Variants in KSR2 observed in about 807,000 individuals in gnomAD.
KSR2 encodes the protein kinase suppressor of ras 2.
A neutral mutation model predicts 107.8 loss-of-function variants in KSR2; 25 were observed. The ratio of observed to expected loss-of-function variants is 0.23; its 90% confidence interval spans 0.17 to 0.32. The LOEUF is 0.32. Ranked by LOEUF, KSR2 falls within the 10% of genes least tolerant of loss-of-function variation. The pLI, the probability that KSR2 is intolerant of heterozygous loss-of-function variation, is 1.00. For synonymous variants in KSR2, 480 were observed against 507.0 expected, an observed-to-expected ratio of 0.95 and a Z score of 0.71; for missense variants, 887 against 1,268.9, an observed-to-expected ratio of 0.70 and a Z score of 4.57.
chr12:117,903,360 T>G (rs1894746005), intron 1 of KSR2, among the ~76,000 whole-genome samples: 1 of 152,220 alleles, frequency 6.6e-6, no homozygotes, highest in African/African-American at 2.4e-5. Context: ...GTATGGCCAT[T>G]GAGTCACCCG....
chr12:117,858,340 T>G (rs1274619337), intron 2 of KSR2, among the ~76,000 whole-genome samples: 1 of 152,168 alleles, frequency 6.6e-6, no homozygotes, highest in Non-Finnish European at 1.5e-5. Context: ...TGTCTGTCCT[T>G]ATACAGGACC....
rs574581278 is a variant in KSR2 at position 117,514,870 on chromosome 12, CTT to C, written c.2219+9980_2219+9981del. Among the ~76,000 whole-genome samples, 1,389 of 152,154 alleles carry C rather than the reference CTT, an allele frequency of 9.1e-3. 10 individuals carry two copies. The highest frequency in any genetic ancestry group is 0.02 in the Middle Eastern group (6 of 294). ...GTCAGATCTCTCTAGTTTCATATCT[CTT>C]GCTACTCCCCGTATATATCCTCTAC... On this transcript the variant is annotated intron_variant, in intron 14 of 19. Coordinates refer to ENST00000339824, the MANE Select transcript of KSR2 (RefSeq NM_173598.6).
intron 4 of KSR2, among the ~76,000 whole-genome samples, chr12:117,731,277 G>T (rs1352552948): frequency 4.8e-5 from 7 of 146,412 alleles, no homozygotes; most frequent in Admixed American, 2.0e-4. Flanking sequence ...CCCAGCAGCC[G>T]CCCCGTCTGG....
At chr12:117,924,115 T>C (rs1895429226) in intron 1 of KSR2, among the ~76,000 whole-genome samples, 1 of 151,442 alleles carries the variant, frequency 6.6e-6, no homozygotes, top group Non-Finnish European at 1.5e-5. Flanking sequence ...CGACCACAGG[T>C]GATCCTCCCA....
At chr12:117,707,715 A>G (rs1886582310) in intron 4 of KSR2, among the ~76,000 whole-genome samples, 2 of 152,222 alleles carry the variant, frequency 1.3e-5, no homozygotes, top group African/African-American at 4.8e-5. Flanking sequence ...AAGACAAACA[A>G]GAGAAAATGA....
intron 7 of KSR2, 108 bp downstream of exon 7, chr12:117,579,011 C>G (rs528796182): frequency 1.1e-5 from 9 of 796,584 alleles, no homozygotes; most frequent in Non-Finnish European, 1.5e-5. Flanking sequence ...AAGCAAACAA[C>G]TCTCCCAAGA....
At chr12:117,641,784 T>G (rs887295934) in intron 5 of KSR2, among the ~76,000 whole-genome samples, 2 of 152,072 alleles carry the variant, frequency 1.3e-5, no homozygotes, top group African/African-American at 4.8e-5. Context: ...AAGAGAAGAA[T>G]AGAAACAGCA....
intron 14 of KSR2, among the ~76,000 whole-genome samples, chr12:117,506,587 C>T (rs1001383552): frequency 6.6e-6 from 1 of 152,188 alleles, no homozygotes; most frequent in Admixed American, 6.5e-5. Context: ...CCCAGCATAG[C>T]TGCCAAGACC....
At chr12:117,524,770 C>A in intron 14 of KSR2, 82 bp downstream of exon 14, 1 of 1,495,106 alleles carries the variant, frequency 6.7e-7, no homozygotes, top group South Asian at 1.4e-5. Flanking sequence ...CCAGAGTGGT[C>A]AAGTAAGCAG....
At chr12:117,508,401 T>C (rs1053260006) in intron 14 of KSR2, among the ~76,000 whole-genome samples, 5 of 152,040 alleles carry the variant, frequency 3.3e-5, no homozygotes, top group African/African-American at 1.2e-4. Flanking sequence ...CGTTAGAGAG[T>C]AAGATTTCAA....
chr12:117,857,896 G>A (rs1490484773), intron 2 of KSR2, among the ~76,000 whole-genome samples: 1 of 152,142 alleles, frequency 6.6e-6, no homozygotes, highest in Non-Finnish European at 1.5e-5. Context: ...TGCAGACAAA[G>A]AGCAGAAACC....
intron 16 of KSR2, among the ~76,000 whole-genome samples, chr12:117,482,329 G>A (rs572104788): frequency 1.1e-4 from 17 of 152,224 alleles, no homozygotes; most frequent in Middle Eastern, 3.4e-3. Flanking sequence ...AGGACAAACC[G>A]AGCACAAGAG....
rs545770691 is a variant in KSR2, at chr12:117,819,007, C to CT, written c.472+36420dup. On this transcript the variant is annotated intron_variant, in intron 3 of 19. Coordinates refer to ENST00000339824, the MANE Select transcript of KSR2 (RefSeq NM_173598.6). ...ACAAGTTTTTATAGCTCTTATACCCCTTTTTTCCAGAGCATTGCTCACCCT... is the reference window on the plus strand; with the variant it reads ...ACAAGTTTTTATAGCTCTTATACCCCTTTTTTTCCAGAGCATTGCTCACCCT... 1.2e-4 allele frequency among the ~76,000 whole-genome samples: 18 copies of CT among 152,230 alleles called. No homozygotes were observed. In the East Asian group the frequency reaches 3.5e-3, roughly 29 times the overall value.
Position 117,783,666 on chromosome 12 carries a change from T to C in KSR2, c.473-22142A>G, listed in dbSNP as rs186225406. On this transcript the variant is annotated intron_variant, in intron 3 of 19. Coordinates refer to ENST00000339824, the MANE Select transcript of KSR2 (RefSeq NM_173598.6). ...GAGTCCACATCTGAAGCATGGCCAT[T>C]ATGGCGGTGGTGAGTTTCCTTCATC... 2.7e-3 allele frequency among the ~76,000 whole-genome samples: 409 copies of C among 152,282 alleles called. 2 individuals carry two copies. Among genetic ancestry groups the C allele is most frequent in the African/African-American group, 9.2e-3 (382 of 41,558 alleles).
chr12:117,806,720 T>G (rs1891020788), intron 3 of KSR2, among the ~76,000 whole-genome samples: 1 of 152,148 alleles, frequency 6.6e-6, no homozygotes, highest in African/African-American at 2.4e-5. Context: ...CTCTATGGGT[T>G]TACCCATTCT....
At chr12:117,756,300 G>C (rs1888786169) in intron 4 of KSR2, among the ~76,000 whole-genome samples, 1 of 152,224 alleles carries the variant, frequency 6.6e-6, no homozygotes, top group Non-Finnish European at 1.5e-5. Context: ...TCAAAGAACA[G>C]GCTGACTCTC....
intron 9 of KSR2, among the ~76,000 whole-genome samples, chr12:117,552,150 G>A (rs79555666): frequency 0.011 from 1,724 of 152,264 alleles, 17 homozygotes; most frequent in Non-Finnish European, 0.02. Context: ...AAAAGTGGAC[G>A]TGGCCTGATG....
At chr12:117,880,098 A>G (rs369490807) in intron 1 of KSR2, among the ~76,000 whole-genome samples, 21 of 152,298 alleles carry the variant, frequency 1.4e-4, no homozygotes, top group African/African-American at 4.1e-4. Context: ...GTGAGCTGAG[A>G]TTGTGCCATT....
chr12:117,713,324 GATAT>G (rs1041065118), intron 4 of KSR2, among the ~76,000 whole-genome samples: 1 of 151,824 alleles, frequency 6.6e-6, no homozygotes, highest in Non-Finnish European at 1.5e-5. Flanking sequence ...AATAGATACA[GATAT>G]ATAGATATAG....
Sources: gnomAD v4.1 joint callset for allele counts (sites outside exome capture counted in the v4.1 genomes callset) on GRCh38, gnomAD v4.1.1 for gene constraint, MANE v1.5 for transcripts, NCBI Gene and HGNC (gene_info 2026-07-23, HGNC 2026-07-21) for gene names.